Variants in C2CD3 observed in about 807,000 individuals in gnomAD.
The protein encoded by C2CD3 is C2 domain-containing protein 3.
C2CD3 carries 148 observed loss-of-function variants against 234.0 expected under a neutral mutation model. The ratio of observed to expected loss-of-function variants is 0.63; its 90% confidence interval spans 0.55 to 0.72. The LOEUF (loss-of-function observed/expected upper bound fraction) is 0.72. C2CD3 is among the 30% of genes least tolerant of loss of function. The pLI is 0.00. For synonymous variants in C2CD3, 1,000 were observed against 1,035.4 expected (o/e 0.97, Z 0.66); for missense variants, 2,577 against 2,811.5 (o/e 0.92, Z 1.89).
intron 5 of C2CD3, among the ~76,000 whole-genome samples, chr11:74,135,950 G>T (rs1488530545): frequency 1.3e-5 from 2 of 152,028 alleles, no homozygotes; most frequent in African/African-American, 2.4e-5. Flanking sequence ...GGTAACAATA[G>T]AAACTGGGGA....
intron 2 of C2CD3, among the ~76,000 whole-genome samples, chr11:74,165,416 T>C (rs1856740256): frequency 6.6e-6 from 1 of 152,214 alleles, no homozygotes; most frequent in Non-Finnish European, 1.5e-5. Flanking sequence ...ATACCTTAAG[T>C]GTAATAAAAA....
chr11:74,095,446 A>C, intron 16 of C2CD3, 38 bp from the exon 17 acceptor site: 2 of 1,520,562 alleles, frequency 1.3e-6, no homozygotes, highest in South Asian at 1.2e-5. Context: ...AGCTTTAAAG[A>C]GTAACTTGCT....
intron 2 of C2CD3, chr11:74,168,025 T>A (rs1474399478): frequency 1.7e-5 from 4 of 231,926 alleles, no homozygotes; most frequent in Non-Finnish European, 3.4e-5. Flanking sequence ...GTTCAAATCC[T>A]AATTCAGCCA....
chr11:74,146,736 AC>A (rs1855223985), intron 3 of C2CD3, among the ~76,000 whole-genome samples: 1 of 148,110 alleles, frequency 6.8e-6, no homozygotes, highest in Non-Finnish European at 1.5e-5. Flanking sequence ...ACACACACAC[AC>A]ACACACACAC....
intron 20 of C2CD3, among the ~76,000 whole-genome samples, chr11:74,086,794 G>A (rs1288519810): frequency 3.3e-5 from 5 of 152,178 alleles, no homozygotes; most frequent in Non-Finnish European, 5.9e-5. Context: ...TCCCCAAGGC[G>A]ATAGAGTTGA....
At position 74,093,968 on chromosome 11, in the gene C2CD3, G is replaced by A; in HGVS notation, c.3192C>T (p.Thr1064=). The change falls in exon 18 of 33, where the codon ACC becomes ACT. Residue 1064 remains threonine (T), a synonymous_variant. Transcript: ENST00000334126. ...GITLKPFRTA[T]TLCVPDPIFN... is the part of the protein sequence containing the mutation. ...AGATGGGATCTGGAACACAGAGTGT[G>A]GTTGCAGTTCTGAAGGGCTTCAGAG... 1.9e-6 allele frequency: 3 copies of A among 1,613,840 alleles called. No individual in the cohort carries two copies. The highest frequency in any genetic ancestry group is 2.5e-6 in the Non-Finnish European group (3 of 1,179,804).
rs1856941355 is a variant in C2CD3 at position 74,168,395 on chromosome 11, T to C, written c.274A>G (p.Thr92Ala). ...QTEPKAVRTTTRYAIRCGPKQ... is the reference protein window; with the variant it reads ...QTEPKAVRTTARYAIRCGPKQ... ...GGACCACAACGAATAGCGTAACGTG[T>C]AGTTGTTCTCACAGCTTTTGGTTCA... Residue 92 changes from threonine to alanine, a missense_variant, in exon 2 of 33, where the codon ACA (threonine) becomes GCA (alanine). Thr to Ala is a moderately conservative substitution (Grantham distance 58). Transcript: ENST00000334126. 2 of 1,614,068 alleles carry C rather than the reference T, an allele frequency of 1.2e-6. No homozygotes were observed. Among genetic ancestry groups the C allele is most frequent in the Non-Finnish European group, 1.7e-6 (2 of 1,179,884 alleles).
At position 74,093,880 on chromosome 11, in the gene C2CD3, G is replaced by T; in HGVS notation, c.3280C>A (p.Leu1094Ile). The change falls in exon 18 of 33, where the codon CTA becomes ATA. Residue 1094 changes from leucine (L) to isoleucine (I), a missense_variant. Physicochemically the swap from Leu to Ile is conservative, Grantham distance 5. Transcript: ENST00000334126. Reference protein sequence around the residue: ...PAEVPVQRLLLSAFSAQGLVP... With the variant: ...PAEVPVQRLLISAFSAQGLVP... ...AGGCCCTGTGCAGAGAAAGCACTTA[G>T]TAGGAGCCTTTGCACTGGAACCTCA... is the stretch of plus-strand genomic sequence containing the variant. 6.2e-7 allele frequency: 1 copy of T among 1,614,094 alleles called. No individual in the cohort carries two copies. Among genetic ancestry groups the T allele is most frequent in the Non-Finnish European group, 8.5e-7 (1 of 1,179,946 alleles).
intron 24 of C2CD3, among the ~76,000 whole-genome samples, chr11:74,068,627 T>C (rs931950267): frequency 2.0e-5 from 3 of 152,142 alleles, no homozygotes; most frequent in African/African-American, 7.2e-5. Flanking sequence ...TAGTCTGCCA[T>C]TGCTTTAGTG....
intron 2 of C2CD3, among the ~76,000 whole-genome samples, chr11:74,165,097 C>G (rs544858224): frequency 6.6e-6 from 1 of 151,956 alleles, no homozygotes; most frequent in Admixed American, 6.6e-5. Context: ...AAAATAGATA[C>G]GAAGAAATAA....
intron 32 of C2CD3, among the ~76,000 whole-genome samples, chr11:74,024,408 G>C (rs1952209672): frequency 6.6e-6 from 1 of 152,190 alleles, no homozygotes; most frequent in South Asian, 2.1e-4. Flanking sequence ...AGTTTTTCAG[G>C]CTGAAGGGAA....
intron 18 of C2CD3, among the ~76,000 whole-genome samples, chr11:74,093,570 A>G (rs1423828183): frequency 6.6e-6 from 1 of 152,112 alleles, no homozygotes; most frequent in Non-Finnish European, 1.5e-5. Context: ...AGGTAAAATA[A>G]ATAAAACTTT....
Position 74,042,052 on chromosome 11 carries a change from A to C in C2CD3, c.5660+2T>G. 1 of 1,613,888 alleles carries C rather than the reference A, an allele frequency of 6.2e-7. No homozygotes were observed. The highest frequency in any genetic ancestry group is 8.5e-7 in the Non-Finnish European group (1 of 1,179,812). ...CTGTGTCTTTTCTCAGTAGAGCCTCACCTGAGAGAAGTCAGAATGGAGGTT... is the reference window on the plus strand; with the variant it reads ...CTGTGTCTTTTCTCAGTAGAGCCTCCCCTGAGAGAAGTCAGAATGGAGGTT... On this transcript the variant is annotated splice_donor_variant, in intron 29 of 32. Transcript: ENST00000334126. LOFTEE classifies it high-confidence loss of function.
At chr11:74,053,603 C>T (rs975974564) in intron 26 of C2CD3, among the ~76,000 whole-genome samples, 10 of 152,160 alleles carry the variant, frequency 6.6e-5, no homozygotes, top group Non-Finnish European at 1.5e-4. Context: ...TGTGGTTAGA[C>T]TTTCTTCTTG....
Position 74,090,882 on chromosome 11 carries a change from A to C in C2CD3, c.3572T>G (p.Val1191Gly), listed in dbSNP as rs745838794. 1.5e-5 allele frequency: 24 copies of C among 1,613,944 alleles called. No individual in the cohort carries two copies. Among genetic ancestry groups the C allele is most frequent in the Non-Finnish European group, 1.9e-5 (23 of 1,179,990 alleles). Residue 1191 changes from valine (V) to glycine (G), a missense_variant, in exon 20 of 33, where the codon GTT becomes GGT. Transcript: ENST00000334126. ...GATGGAAACAGTTCGGGCAGCAAGA[A>C]CTCCCTCTGCTGTTCTTGGACTACG... ...YRRSPRTAEG[V>G]LAARTVSISV...
In C2CD3 at chr11:74,085,702, A is replaced by C. The variant is rs1220223587; in HGVS notation, c.3826T>G (p.Cys1276Gly). The change falls in exon 21 of 33, where the codon TGT (cysteine) becomes GGT (glycine). Residue 1276 changes from cysteine (C) to glycine (G), a missense_variant. By Grantham distance (159) the Cys-to-Gly change is radical. Transcript: ENST00000334126. ...EFTCNLVTQHCSGEACFLAEL... is the reference protein window; with the variant it reads ...EFTCNLVTQHGSGEACFLAEL... Reference sequence around the variant, plus strand: ...GCTAGGAAACAGGCCTCTCCACTACAGTGCTGAGTCACCAAGTTACATGTG... The same window carrying C: ...GCTAGGAAACAGGCCTCTCCACTACCGTGCTGAGTCACCAAGTTACATGTG... 1.2e-6 allele frequency: 2 copies of C among 1,614,040 alleles called. No individual in the cohort carries two copies.
intron 19 of C2CD3, among the ~76,000 whole-genome samples, chr11:74,091,857 T>C (rs910919386): frequency 1.8e-4 from 28 of 152,288 alleles, no homozygotes; most frequent in African/African-American, 6.0e-4. Flanking sequence ...AGCTATGAGT[T>C]TTCTAGAATT....
chr11:74,039,535 T>C (rs1035850018), intron 29 of C2CD3, among the ~76,000 whole-genome samples: 1 of 152,186 alleles, frequency 6.6e-6, no homozygotes, highest in Admixed American at 6.5e-5. Context: ...ACTGTGTGGA[T>C]GGGTCCTAGC....
chr11:74,136,793 C>T (rs1321513569), intron 5 of C2CD3, among the ~76,000 whole-genome samples: 2 of 151,906 alleles, frequency 1.3e-5, no homozygotes, highest in African/African-American at 2.4e-5. Flanking sequence ...CAGACCGGGA[C>T]CTGTCGGGGG....
Sources: allele counts gnomAD v4.1 joint callset (sites outside exome capture counted in the v4.1 genomes callset), GRCh38; gene constraint gnomAD v4.1.1; transcripts MANE v1.5; gene names NCBI Gene and HGNC (gene_info 2026-07-23, HGNC 2026-07-21).